The following GABPB2 variants were observed in gnomAD, a reference collection of about 807,000 sequenced individuals.
GABPB2 encodes the protein GA binding protein transcription factor subunit beta 2, also known as GA-binding protein subunit beta-2.
In GABPB2, 23 loss-of-function variants were observed where a neutral mutation model predicts 39.1. The ratio of observed to expected loss-of-function variants is 0.59; its 90% CI spans 0.42 to 0.83. The LOEUF (loss-of-function observed/expected upper bound fraction) is 0.83, where lower values mean the gene tolerates loss of function less well. Ranked by LOEUF, GABPB2 falls within the 40% of genes least tolerant of loss-of-function variation. The pLI is 0.00. For synonymous variants in GABPB2, 184 were observed against 199.3 expected (o/e 0.92, Z 0.65); for missense variants, 467 against 541.1 (o/e 0.86, Z 1.36).
At chr1:151,082,601 C>T (rs757665640) in intron 1 of GABPB2, among the ~76,000 whole-genome samples, 4 of 149,384 alleles carry the variant, frequency 2.7e-5, no homozygotes, top group Admixed American at 6.7e-5. Context: ...AGTAGAGATG[C>T]GGTTTCACTG....
chr1:151,084,492 C>G (rs1275126854), intron 1 of GABPB2, among the ~76,000 whole-genome samples: 2 of 146,586 alleles, frequency 1.4e-5, no homozygotes, highest in Non-Finnish European at 3.0e-5. Context: ...TCCCAAAGTG[C>G]TGGGATTACA....
intron 6 of GABPB2, among the ~76,000 whole-genome samples, chr1:151,104,490 T>C (rs1319406954): frequency 6.6e-6 from 1 of 152,196 alleles, no homozygotes; most frequent in Non-Finnish European, 1.5e-5. Context: ...GGGAACAACA[T>C]AGCAAAGGGA....
intron 4 of GABPB2, among the ~76,000 whole-genome samples, chr1:151,096,659 C>T (rs912519820): frequency 6.6e-6 from 1 of 151,998 alleles, no homozygotes. Context: ...AACAGATATC[C>T]CTGGAAGCAA....
intron 8 of GABPB2, 119 bp from the exon 9 acceptor site, chr1:151,117,838 C>A: frequency 1.0e-6 from 1 of 981,628 alleles, no homozygotes; most frequent in Non-Finnish European, 1.5e-6. Flanking sequence ...CCTACCTCTG[C>A]CTCCCAAAGT....
chr1:151,118,025 A>G lies in GABPB2; in HGVS notation c.1116A>G (p.Arg372=). The change falls in exon 9 of 9, where the codon CGA becomes CGG. Residue 372 remains arginine, a synonymous_variant. Transcript: ENST00000368918. ...CCAATCGAAGAGCCCAGGAATACCGACACCAGCTCCTAAAGAAAGAGCAGG... is the reference window on the plus strand; with the variant it reads ...CCAATCGAAGAGCCCAGGAATACCGGCACCAGCTCCTAAAGAAAGAGCAGG... ...QEANRRAQEY[R]HQLLKKEQEA... The G allele has an allele frequency of 6.2e-7, 1 of 1,614,182 alleles. No homozygotes were observed. The highest frequency in any genetic ancestry group is 8.5e-7 in the Non-Finnish European group (1 of 1,180,024).
intron 1 of GABPB2, among the ~76,000 whole-genome samples, chr1:151,080,233 A>AC (rs1571892328): frequency 1.6e-5 from 2 of 127,882 alleles, no homozygotes; most frequent in Non-Finnish European, 3.4e-5. Context: ...AAAAAAAAAA[A>AC]AAAAAAAAAA....
chr1:151,103,044 CTTTTTTTTTT>C (rs376522230), intron 5 of GABPB2, among the ~76,000 whole-genome samples: 2 of 88,240 alleles, frequency 2.3e-5, no homozygotes, highest in Non-Finnish European at 4.1e-5. Flanking sequence ...ACAAAGTATA[CTTTTTTTTTT>C]TTTTTTTTTT....
At position 151,083,583 on chromosome 1, in the gene GABPB2, G is replaced by A. The variant is rs587738493; in HGVS notation, c.1-4607G>A. On this transcript the variant is annotated intron_variant, in intron 1 of 8. Coordinates refer to ENST00000368918, the MANE Select transcript of GABPB2 (RefSeq NM_144618.3). Reference sequence around the variant, plus strand: ...AGGCAGCAGAGGTTGGCAGTAAGCCGTCATCTCGCCACTGCACTCCAGCCT... The same window carrying A: ...AGGCAGCAGAGGTTGGCAGTAAGCCATCATCTCGCCACTGCACTCCAGCCT... 8.4e-4 allele frequency among the ~76,000 whole-genome samples: 128 copies of A among 151,710 alleles called. 1 individual carries two copies. The East Asian group carries it at 0.023, about 27-fold the overall frequency.
intron 5 of GABPB2, among the ~76,000 whole-genome samples, chr1:151,099,016 G>A (rs144389113): frequency 0.021 from 3,118 of 150,304 alleles, 101 homozygotes; most frequent in African/African-American, 0.072. Context: ...CCTGGAAGGC[G>A]GAGGTTGCAG....
At chr1:151,076,251 G>A (rs2102993422) in intron 1 of GABPB2, among the ~76,000 whole-genome samples, 2 of 152,220 alleles carry the variant, frequency 1.3e-5, no homozygotes, top group Non-Finnish European at 2.9e-5. Context: ...CTGATTTGGG[G>A]TTACTAGCTG....
chr1:151,118,543 T>TC lies in GABPB2; in HGVS notation c.*287_*288insC, dbSNP rs1370685641. On this transcript the variant is annotated 3_prime_UTR_variant, in exon 9 of 9. Transcript: ENST00000368918. ...GAATACTGCATGTTGTGGGTTGATT[T>TC]TTTTTTTTTAAATAACTGACTTTCT... The TC allele has an allele frequency of 3.6e-6, 1 of 278,094 alleles. No individual in the cohort carries two copies. The highest frequency in any genetic ancestry group is 2.2e-5 in the African/African-American group (1 of 45,820). 17.2% of individuals were successfully genotyped at this position (278,094 alleles called of 1,614,324 possible).
At chr1:151,072,871 C>T (rs2102988579) in intron 1 of GABPB2, among the ~76,000 whole-genome samples, 1 of 152,212 alleles carries the variant, frequency 6.6e-6, no homozygotes, top group East Asian at 1.9e-4. Flanking sequence ...AACAAACATA[C>T]TTTATCCAGT....
chr1:151,102,245 C>T (rs147227044), intron 5 of GABPB2, among the ~76,000 whole-genome samples: 2,349 of 152,108 alleles, frequency 0.015, 64 homozygotes, highest in African/African-American at 0.054. Flanking sequence ...CGCTTGAATC[C>T]GGGAGGCGGA....
chr1:151,090,402 A>G lies in GABPB2; in HGVS notation c.109-4A>G. 1 of 1,613,352 alleles carries G rather than the reference A, an allele frequency of 6.2e-7. No homozygotes were observed. ...GATATTCAATGAGCATTATTTTTCC[A>G]CAGCTTGGAACATCACCCCTCCACC... On this transcript the variant is annotated splice_polypyrimidine_tract_variant and splice_region_variant and intron_variant, in intron 2 of 8. Transcript: ENST00000368918.
intron 7 of GABPB2, among the ~76,000 whole-genome samples, chr1:151,111,483 C>T (rs1223414523): frequency 1.5e-4 from 23 of 151,222 alleles, no homozygotes; most frequent in Non-Finnish European, 1.0e-4. Flanking sequence ...AGTGCAGTGG[C>T]GTGATCTCGG....
chr1:151,115,406 T>C (rs1008687111), intron 7 of GABPB2, among the ~76,000 whole-genome samples: 1 of 151,278 alleles, frequency 6.6e-6, no homozygotes, highest in African/African-American at 2.4e-5. Context: ...TATTTTCTTT[T>C]TTTTTTTTTT....
At chr1:151,090,611 A>G (rs916528022) in intron 3 of GABPB2, 38 bp downstream of exon 3, 2 of 1,593,266 alleles carry the variant, frequency 1.3e-6, no homozygotes, top group African/African-American at 2.7e-5. Context: ...GTTGTTAAAA[A>G]GGCATCCACT....
At chr1:151,075,599 G>T (rs1348038494) in intron 1 of GABPB2, among the ~76,000 whole-genome samples, 1 of 147,744 alleles carries the variant, frequency 6.8e-6, no homozygotes, top group Non-Finnish European at 1.5e-5. Context: ...AATTTAGCCA[G>T]GTGGGAGACT....
chr1:151,094,034 G>C (rs1219080835), intron 4 of GABPB2, among the ~76,000 whole-genome samples: 3 of 139,376 alleles, frequency 2.2e-5, no homozygotes, highest in South Asian at 4.6e-4. Flanking sequence ...TAACTGTGAT[G>C]ATTTCGTCCT....
Sources: allele counts gnomAD v4.1 joint callset (sites outside exome capture counted in the v4.1 genomes callset), GRCh38; gene constraint gnomAD v4.1.1; transcripts MANE v1.5; gene names NCBI Gene and HGNC (gene_info 2026-07-23, HGNC 2026-07-21).